Variants in MUC5B observed in about 807,000 individuals in gnomAD.
MUC5B encodes the protein mucin-5B.
MUC5B carries 116 observed loss-of-function variants against 376.9 expected under a neutral mutation model. That is an observed-to-expected ratio of 0.31 (90% CI 0.26 to 0.36). The LOEUF (loss-of-function observed/expected upper bound fraction) is 0.36, where lower values mean the gene tolerates loss of function less well. MUC5B is among the 10% of genes least tolerant of loss of function. MUC5B has a pLI of 1.00. For synonymous variants in MUC5B, 3,517 were observed against 3,390.9 expected (o/e 1.04, Z -1.29); for missense variants, 7,165 against 7,769.9 (o/e 0.92, Z 2.93).
Position 1,255,067 on chromosome 11 carries a change from G to A in MUC5B, c.15691G>A (p.Asp5231Asn), listed in dbSNP as rs1476864729. 2.5e-6 allele frequency: 4 copies of A among 1,594,416 alleles called. No individual in the cohort carries two copies. The highest frequency in any genetic ancestry group is 1.7e-5 in the Admixed American group (1 of 57,718). The change falls in exon 36 of 49, where the codon GAC becomes AAC. Residue 5231 changes from aspartate to asparagine, a missense_variant. Physicochemically the swap from Asp to Asn is conservative, Grantham distance 23. Around this residue, in one of 31 missense-constraint regions of MUC5B, gnomAD observed 842 missense variants for 1,016.9 expected, o/e 0.83. Transcript: ENST00000529681. Reference protein sequence around the residue: ...CGTCTNNQRDDCLQRDGTTAA... With the variant: ...CGTCTNNQRDNCLQRDGTTAA... ...CACCTGCACCAACAACCAGAGGGACGACTGTCTCCAGCGGGACGGAACCAC... is the reference window on the plus strand; with the variant it reads ...CACCTGCACCAACAACCAGAGGGACAACTGTCTCCAGCGGGACGGAACCAC...
At position 1,234,230 on chromosome 11, in the gene MUC5B, G is replaced by A. The variant is rs764109007; in HGVS notation, c.2403G>A (p.Leu801=). 2.4e-5 allele frequency: 38 copies of A among 1,606,458 alleles called. No individual in the cohort carries two copies. In the South Asian group the frequency reaches 4.3e-4, roughly 18 times the overall value. ...STGCAAPMVY[L]DCSNSSAGTP... ...GGTGTGCAGCCCCCATGGTGTACCT[G>A]GACTGCAGCAACAGCTCGGCGGGCA... Residue 801 remains leucine (L), a synonymous_variant, in exon 20 of 49, where the codon CTG becomes CTA. Coordinates refer to ENST00000529681, the MANE Select transcript of MUC5B (RefSeq NM_002458.3). The surrounding 1 kb of genome is among the most constrained non-coding windows in gnomAD (Gnocchi z 6.3).
At position 1,254,138 on chromosome 11, in the gene MUC5B, C is replaced by T. The variant is rs2133848519; in HGVS notation, c.15264C>T (p.Gly5088=). The T allele has an allele frequency of 6.2e-7, 1 of 1,612,894 alleles. No individual in the cohort carries two copies. Among genetic ancestry groups the T allele is most frequent in the Non-Finnish European group, 8.5e-7 (1 of 1,179,834 alleles). Residue 5088 remains glycine (G), a synonymous_variant, in exon 34 of 49, where the codon GGC becomes GGT. Coordinates refer to ENST00000529681, the MANE Select transcript of MUC5B (RefSeq NM_002458.3). ...GCTCCCACTATTCCACCTTTGACGG[C>T]ACCTCTTACACCTTCCGGGGCAACT... ...WGGSHYSTFD[G]TSYTFRGNCT... is the part of the protein sequence containing the mutation.
Position 1,261,475 on chromosome 11 carries a change from G to C in MUC5B, c.17156G>C (p.Cys5719Ser). 6.4e-7 allele frequency: 1 copy of C among 1,568,954 alleles called. No homozygotes were observed. Among genetic ancestry groups the C allele is most frequent in the Non-Finnish European group, 8.6e-7 (1 of 1,158,580 alleles). The change falls in exon 49 of 49, where the codon TGT becomes TCT. Residue 5719 changes from cysteine to serine, a missense_variant. Transcript: ENST00000529681. The part of the protein sequence containing the change: ...RVHEETVPLH[C>S]PNGSAILHTY... ...CACGAGGAGACGGTGCCCTTGCACT[G>C]TCCTAACGGCTCAGCCATCCTGCAC... is the stretch of plus-strand genomic sequence containing the variant.
In MUC5B at chr11:1,259,081, C is replaced by T. The variant is rs1862926782; in HGVS notation, c.16713+20C>T. 3 of 1,541,052 alleles carry T rather than the reference C, an allele frequency of 1.9e-6. No homozygotes were observed. The highest frequency in any genetic ancestry group is 2.6e-6 in the Non-Finnish European group (3 of 1,143,924). On this transcript the variant is annotated intron_variant, in intron 44 of 48. Transcript: ENST00000529681. ...CCCCAGGTGAGACCCGAGGCACCTGCCCCCAGGTGAGCCCCCGAGGCACCT... is the reference window on the plus strand; with the variant it reads ...CCCCAGGTGAGACCCGAGGCACCTGTCCCCAGGTGAGCCCCCGAGGCACCT...
At position 1,257,696 on chromosome 11, in the gene MUC5B, C is replaced by T; in HGVS notation, c.16436C>T (p.Pro5479Leu). ...CCCCGGGCCGAGAACCCCTGCTGCC[C>T]CGAGACGGTGTGCGGTAAGACGCTG... ...TRPRAENPCC[P>L]ETVCVCNTTT... The change falls in exon 41 of 49, where the codon CCC (proline) becomes CTC (leucine). Residue 5479 changes from proline (P) to leucine (L), a missense_variant. Around this residue, in one of 31 missense-constraint regions of MUC5B, gnomAD observed 842 missense variants for 1,016.9 expected, o/e 0.83. Coordinates refer to ENST00000529681, the MANE Select transcript of MUC5B (RefSeq NM_002458.3). This position sits in a 1 kb window ranked among gnomAD's most constrained non-coding sequence, Gnocchi z 8.9. 6.4e-7 allele frequency: 1 copy of T among 1,560,078 alleles called. No homozygotes were observed. The highest frequency in any genetic ancestry group is 8.6e-7 in the Non-Finnish European group (1 of 1,160,236).
At position 1,241,772 on chromosome 11, in the gene MUC5B, C is replaced by G; in HGVS notation, c.4892C>G (p.Pro1631Arg). 1 of 1,612,226 alleles carries G rather than the reference C, an allele frequency of 6.2e-7. No individual in the cohort carries two copies. Among genetic ancestry groups the G allele is most frequent in the Non-Finnish European group, 8.5e-7 (1 of 1,179,300 alleles). Residue 1631 changes from proline to arginine, a missense_variant, in exon 31 of 49, where the codon CCG becomes CGG. Transcript: ENST00000529681. ...ACCACCCAGGCCCTGTTCTCAACGC[C>G]GCAGCCTACGAGTAGCCCGGGGCTG... ...TTTTQALFSTPQPTSSPGLTR... is the reference protein window; with the variant it reads ...TTTTQALFSTRQPTSSPGLTR...
rs747984329 is a variant in MUC5B at position 1,242,952 on chromosome 11, C to A, written c.6072C>A (p.Thr2024=). The A allele has an allele frequency of 6.2e-7, 1 of 1,613,100 alleles. No individual in the cohort carries two copies. The highest frequency in any genetic ancestry group is 1.3e-5 in the African/African-American group (1 of 74,928). The part of the protein sequence containing the change: ...PETAHTSTVL[T]ATATTTGATG... ...CTGCCCACACCTCCACAGTGCTTAC[C>A]GCCACGGCCACCACAACTGGGGCCA... Residue 2024 remains threonine, a synonymous_variant, in exon 31 of 49, where the codon ACC becomes ACA. Coordinates refer to ENST00000529681, the MANE Select transcript of MUC5B (RefSeq NM_002458.3).
At chr11:1,225,777 GC>G in intron 2 of MUC5B, 40 bp downstream of exon 2, 1 of 1,566,734 alleles carries the variant, frequency 6.4e-7, no homozygotes, top group Non-Finnish European at 8.7e-7. Flanking sequence ...TCCTGACCAG[GC>G]TGGAGGGGCT....
rs540929211 is a variant in MUC5B, at chr11:1,235,214, C to T, written c.2760C>T (p.Ile920=). 2 of 1,612,848 alleles carry T rather than the reference C, an allele frequency of 1.2e-6. No individual in the cohort carries two copies. Among genetic ancestry groups the T allele is most frequent in the East Asian group, 2.2e-5 (1 of 44,880 alleles). The stretch of plus-strand genomic sequence containing the variant: ...GCTTTGAAGGCAGCTGCGAGTACAT[C>T]TTGGCCCAGGTACGCCGCCCCCTCG... The part of the protein sequence containing the change: ...RYSFEGSCEY[I]LAQDYCGDNT... Residue 920 remains isoleucine, a synonymous_variant, in exon 22 of 49, where the codon ATC becomes ATT. Transcript: ENST00000529681.
chr11:1,249,737 C>T lies in MUC5B; in HGVS notation c.12857C>T (p.Ala4286Val), dbSNP rs1430028337. The change falls in exon 31 of 49, where the codon GCC (alanine) becomes GTC (valine). Residue 4286 changes from alanine (A) to valine (V), a missense_variant. Physicochemically the swap from Ala to Val is moderately conservative, Grantham distance 64. Around this residue, in one of 31 missense-constraint regions of MUC5B, gnomAD observed 431 missense variants for 390.4 expected, o/e 1.10. Coordinates refer to ENST00000529681, the MANE Select transcript of MUC5B (RefSeq NM_002458.3). Reference protein sequence around the residue: ...APPPKVLTSPATTPTATSSKA... With the variant: ...APPPKVLTSPVTTPTATSSKA... ...CCTCCCAAAGTGCTGACCAGCCCGG[C>T]CACCACACCCACAGCCACCAGTTCC... 2 of 1,612,074 alleles carry T rather than the reference C, an allele frequency of 1.2e-6. No homozygotes were observed. Among genetic ancestry groups the T allele is most frequent in the Non-Finnish European group, 1.7e-6 (2 of 1,178,856 alleles).
rs529228552 is a variant in MUC5B, at chr11:1,259,153, T to A, written c.16713+92T>A. 178 of 1,201,728 alleles carry A rather than the reference T, an allele frequency of 1.5e-4. No homozygotes were observed. The African/African-American group carries it at 3.6e-3, about 24-fold the overall frequency. 74.4% of individuals were successfully genotyped at this position (1,201,728 alleles called of 1,614,324 possible). A position where few individuals can be genotyped will look rare whatever the true frequency, so the allele number is the denominator to read the frequency against. ...CACCTGCCCCCAGGTGAGACCTGAG[T>A]CACCCGCCCCCAGGTGAGCCCCCGA... On this transcript the variant is annotated intron_variant, in intron 44 of 48. Transcript: ENST00000529681.
Position 1,244,808 on chromosome 11 carries a change from G to A in MUC5B, c.7928G>A (p.Arg2643Lys), listed in dbSNP as rs369687151. ...AGCACAACCACCACACCCACAACCA[G>A]AGGTTCCACGGTGACCCCCTCCTCC... ...WISTTTTPTT[R>K]GSTVTPSSIP... The change falls in exon 31 of 49, where the codon AGA becomes AAA. Residue 2643 changes from arginine to lysine, a missense_variant. By Grantham distance (26) the Arg-to-Lys change is conservative. Coordinates refer to ENST00000529681, the MANE Select transcript of MUC5B (RefSeq NM_002458.3). 28 of 1,612,968 alleles carry A rather than the reference G, an allele frequency of 1.7e-5. No homozygotes were observed. The highest frequency in any genetic ancestry group is 1.8e-5 in the Non-Finnish European group (21 of 1,179,618).
chr11:1,232,955 G>A (rs1862062798), intron 17 of MUC5B, 58 bp from the exon 18 acceptor site: 1 of 1,491,632 alleles, frequency 6.7e-7, no homozygotes, highest in African/African-American at 1.4e-5. Flanking sequence ...AGTTGAAGAT[G>A]GGGGCTGGCC....
Position 1,245,681 on chromosome 11 carries a change from T to A in MUC5B, c.8801T>A (p.Val2934Glu), listed in dbSNP as rs372025311. The A allele has an allele frequency of 7.3e-5, 118 of 1,605,626 alleles. No individual in the cohort carries two copies. In the African/African-American group the frequency reaches 1.4e-3, roughly 20 times the overall value. Reference protein sequence around the residue: ...GVPLRELGQVVECSLDFGLVC... With the variant: ...GVPLRELGQVEECSLDFGLVC... ...CCCCTGCGGGAGTTGGGCCAGGTCG[T>A]GGAATGCAGCCTGGACTTTGGCCTG... Residue 2934 changes from valine (V) to glutamate (E), a missense_variant, in exon 31 of 49, where the codon GTG becomes GAG. By Grantham distance (121) the Val-to-Glu change is moderately radical. Around this residue, in one of 31 missense-constraint regions of MUC5B, gnomAD observed 57 missense variants for 167.2 expected, o/e 0.34. Transcript: ENST00000529681.
rs753163583 is a variant in MUC5B, at chr11:1,262,025, C to T, written c.*417C>T. On this transcript the variant is annotated 3_prime_UTR_variant, in exon 49 of 49. Coordinates refer to ENST00000529681, the MANE Select transcript of MUC5B (RefSeq NM_002458.3). ...AAGGCCAGCTGCTGCCAGGAAGCTG[C>T]GACAGGCAAGGCGGCCGCCTGTCCA... 22 of 505,684 alleles carry T rather than the reference C, an allele frequency of 4.4e-5. No homozygotes were observed. Among genetic ancestry groups the T allele is most frequent in the African/African-American group, 1.2e-4 (6 of 52,006 alleles). The allele number at this position is 505,684 out of a possible 1,614,324, so 31.3% of individuals were successfully genotyped here.
rs375891745 is a variant in MUC5B at position 1,250,071 on chromosome 11, A to G, written c.13191A>G (p.Thr4397=). ...GTTWILTELT[T]AATTTAATGP... ...CCTGGATCCTCACAGAGCTGACCACAGCAGCCACTACAACTGCAGCCACTG... is the reference window on the plus strand; with the variant it reads ...CCTGGATCCTCACAGAGCTGACCACGGCAGCCACTACAACTGCAGCCACTG... The change falls in exon 31 of 49, where the codon ACA becomes ACG. Residue 4397 remains threonine, a synonymous_variant. Transcript: ENST00000529681. 9.2e-5 allele frequency: 146 copies of G among 1,593,686 alleles called. No homozygotes were observed. The African/African-American group carries it at 1.6e-3, about 17-fold the overall frequency.
intron 23 of MUC5B, 95 bp from the exon 24 acceptor site, chr11:1,236,291 G>A (rs561736095): frequency 3.4e-5 from 43 of 1,266,164 alleles, no homozygotes; most frequent in Non-Finnish European, 4.4e-5. Flanking sequence ...GAGCCCGTGC[G>A]CACCTGCAGA....
chr11:1,246,757 G>A lies in MUC5B; in HGVS notation c.9877G>A (p.Val3293Met), dbSNP rs544295899. ...CACCACAACCAGGGCCACCGGCTCTGTGGCCACCCCCTCCTCCACCCCAGG... is the reference window on the plus strand; with the variant it reads ...CACCACAACCAGGGCCACCGGCTCTATGGCCACCCCCTCCTCCACCCCAGG... The part of the protein sequence containing the change: ...TTTTTRATGS[V>M]ATPSSTPGTA... The change falls in exon 31 of 49, where the codon GTG (valine) becomes ATG (methionine). Residue 3293 changes from valine (V) to methionine (M), a missense_variant. Coordinates refer to ENST00000529681, the MANE Select transcript of MUC5B (RefSeq NM_002458.3). 85 of 1,603,630 alleles carry A rather than the reference G, an allele frequency of 5.3e-5. 1 individual carries two copies. In the East Asian group the frequency reaches 1.8e-3, roughly 34 times the overall value.
At chr11:1,233,595 G>A (rs921989877) in intron 18 of MUC5B, among the ~76,000 whole-genome samples, 198 bp from the exon 19 acceptor site, 3 of 152,124 alleles carry the variant, frequency 2.0e-5, no homozygotes, top group Admixed American at 6.5e-5. Context: ...CTGCTTTGCT[G>A]CCCCCCTGTG....
Sources: gnomAD v4.1 joint callset for allele counts (sites outside exome capture counted in the v4.1 genomes callset) on GRCh38, gnomAD v4.1.1 for gene constraint, gnomAD v4.1.1 regional missense constraint, Gnocchi (gnomAD v3.1) non-coding constraint, MANE v1.5 for transcripts, NCBI Gene and HGNC (gene_info 2026-07-23, HGNC 2026-07-21) for gene names.